The following RBFOX1 variants were observed in gnomAD, a reference collection of about 807,000 sequenced individuals.
The protein encoded by RBFOX1 is RNA binding fox-1 homolog 1.
In RBFOX1, 8 loss-of-function variants were observed where a neutral mutation model predicts 57.7. The ratio of observed to expected loss-of-function variants is 0.14; its 90% CI spans 0.08 to 0.25. The LOEUF (loss-of-function observed/expected upper bound fraction) is 0.25. Among genes scored for constraint, RBFOX1 ranks in the 10% least tolerant of loss-of-function variants. The pLI is 1.00. For missense variants in RBFOX1, 611 were observed against 548.5 expected, an observed-to-expected ratio of 1.11 and a Z score of -1.14; for synonymous variants, 326 against 222.4, an observed-to-expected ratio of 1.47 and a Z score of -4.15.
intron 2 of RBFOX1, among the ~76,000 whole-genome samples, chr16:6,538,600 T>G (rs1272136294): frequency 6.6e-6 from 1 of 152,196 alleles, no homozygotes; most frequent in Non-Finnish European, 1.5e-5. Flanking sequence ...ACAAATGTTG[T>G]CCAGGCTGTG....
intron 2 of RBFOX1, among the ~76,000 whole-genome samples, chr16:5,596,364 G>T (rs2047183263): frequency 6.6e-6 from 1 of 152,194 alleles, no homozygotes; most frequent in Non-Finnish European, 1.5e-5. Context: ...CCTAAGGCTG[G>T]TGGTTGCTAC....
intron 2 of RBFOX1, among the ~76,000 whole-genome samples, chr16:6,407,418 T>G (rs952114445): frequency 1.3e-5 from 2 of 152,168 alleles, no homozygotes; most frequent in African/African-American, 4.8e-5. Context: ...TGTGTATCTA[T>G]GCTTATATAC....
chr16:7,515,796 T>C (rs1281736821), intron 4 of RBFOX1, among the ~76,000 whole-genome samples: 3 of 152,170 alleles, frequency 2.0e-5, no homozygotes, highest in Non-Finnish European at 4.4e-5. Context: ...TCCTCTAGGT[T>C]GGCCTCACGT....
intron 4 of RBFOX1, among the ~76,000 whole-genome samples, chr16:7,393,916 AG>A (rs1191024822): frequency 1.3e-5 from 2 of 152,068 alleles, no homozygotes; most frequent in African/African-American, 4.8e-5. Context: ...CAAGCTAGGG[AG>A]GATGGCTGAG....
Position 5,716,270 on chromosome 16 carries a change from C to G in RBFOX1, c.318+117309C>G, listed in dbSNP as rs11864351. The stretch of plus-strand genomic sequence containing the variant: ...AAACTGCAGTTAATTTTGTACCAAG[C>G]TAATAAGTTCAGGGGTGCAAGTACA... On this transcript the variant is annotated intron_variant, in intron 3 of 19. Transcript: ENST00000641259. Among the ~76,000 whole-genome samples the G allele has an allele frequency of 3.2e-4, 48 of 152,290 alleles. 2 individuals are homozygous for G. The highest frequency in any genetic ancestry group is 9.4e-4 in the African/African-American group (39 of 41,564).
chr16:6,924,524 A>C (rs982639937), intron 3 of RBFOX1, among the ~76,000 whole-genome samples: 1 of 152,086 alleles, frequency 6.6e-6, no homozygotes, highest in Non-Finnish European at 1.5e-5. Flanking sequence ...CCCACCTCCA[A>C]CATTGGGGAT....
rs917458813 is a variant in RBFOX1 at position 6,573,822 on chromosome 16, G to A, written c.-63-80781G>A. Reference sequence around the variant, plus strand: ...GGCTCTCTCTGAGCACCGTGGGGAGGCAGTGACACCCGCTGGCCTCGCAGC... The same window carrying A: ...GGCTCTCTCTGAGCACCGTGGGGAGACAGTGACACCCGCTGGCCTCGCAGC... On this transcript the variant is annotated intron_variant, in intron 2 of 15. Coordinates refer to ENST00000550418, the MANE Select transcript of RBFOX1 (RefSeq NM_018723.4). The A allele has an allele frequency of 2.0e-5, 3 of 152,332 alleles. No individual in the cohort carries two copies. In the South Asian group the frequency reaches 6.2e-4, roughly 32 times the overall value. 9.4% of individuals were successfully genotyped at this position (152,332 alleles called of 1,614,324 possible).
intron 3 of RBFOX1, among the ~76,000 whole-genome samples, chr16:6,934,849 GC>G (rs1423638033): frequency 3.3e-5 from 5 of 152,066 alleles, no homozygotes; most frequent in Non-Finnish European, 5.9e-5. Flanking sequence ...ACTTTGGAAG[GC>G]CGAGGCTGGC....
chr16:5,705,537 G>T (rs531294008), intron 3 of RBFOX1, among the ~76,000 whole-genome samples: 23 of 152,236 alleles, frequency 1.5e-4, no homozygotes, highest in African/African-American at 5.1e-4. Flanking sequence ...CTGTAATCAC[G>T]AGCGAAACAT....
chr16:6,801,586 G>A (rs547411422), intron 3 of RBFOX1, among the ~76,000 whole-genome samples: 7 of 152,032 alleles, frequency 4.6e-5, no homozygotes, highest in Non-Finnish European at 8.8e-5. Context: ...TGGGGTGGAG[G>A]TTGGGGAGAT....
At chr16:7,450,543 G>C (rs907670156) in intron 4 of RBFOX1, among the ~76,000 whole-genome samples, 1 of 152,114 alleles carries the variant, frequency 6.6e-6, no homozygotes, top group Non-Finnish European at 1.5e-5. Flanking sequence ...TACAGATGAA[G>C]ATACTATGGC....
intron 4 of RBFOX1, among the ~76,000 whole-genome samples, chr16:7,457,881 C>T (rs533782336): frequency 4.6e-4 from 70 of 152,210 alleles, no homozygotes; most frequent in Middle Eastern, 6.8e-3. Context: ...ACCCCCTCCC[C>T]AATACTCTAA....
chr16:6,063,913 TACC>T (rs2095723175), intron 1 of RBFOX1, among the ~76,000 whole-genome samples: 1 of 152,204 alleles, frequency 6.6e-6, no homozygotes, highest in South Asian at 2.1e-4. Context: ...ATTAATTTAT[TACC>T]TTTTATTTCT....
intron 14 of RBFOX1, among the ~76,000 whole-genome samples, chr16:7,677,607 T>G (rs190229346): frequency 6.6e-6 from 1 of 152,166 alleles, no homozygotes; most frequent in Admixed American, 6.5e-5. Flanking sequence ...TTTTGTATGG[T>G]TGCCTTGAAA....
intron 3 of RBFOX1, among the ~76,000 whole-genome samples, chr16:7,001,942 C>T (rs1390111509): frequency 6.6e-6 from 1 of 151,968 alleles, no homozygotes; most frequent in African/African-American, 2.4e-5. Context: ...TTTTTTTCTC[C>T]TGGAGTTTCT....
intron 2 of RBFOX1, among the ~76,000 whole-genome samples, chr16:6,612,210 C>A (rs1440500572): frequency 6.6e-6 from 1 of 152,028 alleles, no homozygotes; most frequent in African/African-American, 2.4e-5. Flanking sequence ...GTAAGTTTAG[C>A]TTTATAGAGA....
intron 1 of RBFOX1, among the ~76,000 whole-genome samples, chr16:6,037,016 C>T (rs2095374065): frequency 6.6e-6 from 1 of 152,066 alleles, no homozygotes; most frequent in African/African-American, 2.4e-5. Flanking sequence ...TGGGGGGAGA[C>T]AGGGAGGTCA....
At chr16:6,046,825 T>C (rs1292304926) in intron 1 of RBFOX1, among the ~76,000 whole-genome samples, 3 of 152,202 alleles carry the variant, frequency 2.0e-5, no homozygotes, top group African/African-American at 7.2e-5. Flanking sequence ...GTCGGCTTTA[T>C]CTAGATGTCT....
chr16:7,590,206 TTACTGAGCTATGATTGCAC>T (rs1250479709), intron 7 of RBFOX1, among the ~76,000 whole-genome samples: 1 of 151,504 alleles, frequency 6.6e-6, no homozygotes, highest in African/African-American at 2.4e-5. Context: ...GGTCAAGGCT[TTACTGAGCTATGATTGCAC>T]CACTGCATTC....
Sources: allele counts gnomAD v4.1 joint callset (sites outside exome capture counted in the v4.1 genomes callset), GRCh38; gene constraint gnomAD v4.1.1; transcripts MANE v1.5; gene names NCBI Gene and HGNC (gene_info 2026-07-23, HGNC 2026-07-21).